The following LRRK2 variants were observed in gnomAD, a reference collection of about 807,000 sequenced individuals.
The protein encoded by LRRK2 is leucine rich repeat kinase 2.
Under a neutral mutation model 302.6 loss-of-function variants are expected in LRRK2, and 203 were observed. That is an observed-to-expected ratio of 0.67 (90% CI 0.60 to 0.75). The LOEUF is 0.75. Ranked by LOEUF, LRRK2 falls within the 30% of genes least tolerant of loss-of-function variation. The probability of loss-of-function intolerance (pLI) is 0.00; values close to 1 mark genes in which losing one functional copy is unlikely to be tolerated. For missense variants in LRRK2, 2,830 were observed against 2,951.0 expected (o/e 0.96, Z 0.95); for synonymous variants, 1,066 against 1,031.9 (o/e 1.03, Z -0.63).
chr12:40,240,392 C>T, intron 5 of LRRK2, 91 bp from the exon 6 acceptor site: 1 of 1,180,724 alleles, frequency 8.5e-7, no homozygotes, highest in African/African-American at 1.5e-5. Flanking sequence ...TGATGTATCT[C>T]ACACAACTAT....
chr12:40,333,939 GAGA>G (rs1014689108), intron 39 of LRRK2, among the ~76,000 whole-genome samples: 2 of 152,036 alleles, frequency 1.3e-5, no homozygotes, highest in African/African-American at 4.8e-5. Flanking sequence ...AGGGGGAGAC[GAGA>G]AGGTCTGGAA....
intron 13 of LRRK2, among the ~76,000 whole-genome samples, chr12:40,262,857 T>C (rs913294640): frequency 2.0e-5 from 3 of 152,200 alleles, no homozygotes; most frequent in Non-Finnish European, 1.5e-5. Context: ...ACAGACAGTT[T>C]AAGGGACTTG....
Position 40,321,141 on chromosome 12 carries a change from T to C in LRRK2, c.5123T>C (p.Leu1708Ser). The change falls in exon 35 of 51, where the codon TTA becomes TCA. Residue 1708 changes from leucine (L) to serine (S), a missense_variant. Transcript: ENST00000298910. ...PYFPMGFWSR[L>S]INRLLEISPY... ...TTTCCAATGGGATTTTGGTCAAGAT[T>C]AATCAATCGATTACTTGAGATTTCA... 6.2e-7 allele frequency: 1 copy of C among 1,612,772 alleles called. No individual in the cohort carries two copies. Among genetic ancestry groups the C allele is most frequent in the Non-Finnish European group, 8.5e-7 (1 of 1,178,944 alleles).
At chr12:40,287,262 A>T in intron 19 of LRRK2, 89 bp from the exon 20 acceptor site, 1 of 1,114,048 alleles carries the variant, frequency 9.0e-7, no homozygotes, top group Non-Finnish European at 1.3e-6. Flanking sequence ...CTCCAGAAGC[A>T]TAGCAATACG....
rs375022337 is a variant in LRRK2, at chr12:40,335,105, C to T, written c.5896C>T (p.Leu1966Phe). The T allele has an allele frequency of 6.2e-6, 10 of 1,613,956 alleles. No homozygotes were observed. In the Middle Eastern group the frequency reaches 4.9e-4, roughly 80 times the overall value. Residue 1966 changes from leucine to phenylalanine, a missense_variant, in exon 40 of 51, where the codon CTC (leucine) becomes TTC (phenylalanine). Around this residue, in one of 3 missense-constraint regions of LRRK2, gnomAD observed 253 missense variants for 346.7 expected, o/e 0.73. Coordinates refer to ENST00000298910, the MANE Select transcript of LRRK2 (RefSeq NM_198578.4). ...DRLLQQDKASLTRTLQHRIAL... is the reference protein window; with the variant it reads ...DRLLQQDKASFTRTLQHRIAL... ...CCTGCTTCAGCAGGACAAAGCCAGC[C>T]TCACTAGAACCCTACAGCACAGGAT...
intron 25 of LRRK2, among the ~76,000 whole-genome samples, chr12:40,300,191 G>C (rs1211666949): frequency 3.3e-5 from 5 of 152,106 alleles, no homozygotes; most frequent in Admixed American, 6.6e-5. Flanking sequence ...TGAAGTTAAT[G>C]TATATTCATT....
chr12:40,354,323 T>A lies in LRRK2; in HGVS notation c.6601T>A (p.Cys2201Ser). The change falls in exon 45 of 51, where the codon TGC (cysteine) becomes AGC (serine). Residue 2201 changes from cysteine to serine, a missense_variant. Around this residue, in one of 3 missense-constraint regions of LRRK2, gnomAD observed 456 missense variants for 456.3 expected, o/e 1.00. Coordinates refer to ENST00000298910, the MANE Select transcript of LRRK2 (RefSeq NM_198578.4). ...GGAAGTTGCTGATAGTAGAATATTG[T>A]GCTTAGCCTTGGTGCATCTTCCTGT... is the stretch of plus-strand genomic sequence containing the variant. ...SEEVADSRIL[C>S]LALVHLPVEK... The A allele has an allele frequency of 6.2e-7, 1 of 1,614,114 alleles. No individual in the cohort carries two copies. Among genetic ancestry groups the A allele is most frequent in the Non-Finnish European group, 8.5e-7 (1 of 1,179,990 alleles).
At chr12:40,265,988 T>C (rs899737803) in intron 14 of LRRK2, among the ~76,000 whole-genome samples, 1 of 152,182 alleles carries the variant, frequency 6.6e-6, no homozygotes, top group Non-Finnish European at 1.5e-5. Context: ...TTACACCTTA[T>C]ACAAAAATAA....
At chr12:40,295,285 G>A (rs1944336340) in intron 22 of LRRK2, 142 bp from the exon 23 acceptor site, 1 of 723,332 alleles carries the variant, frequency 1.4e-6, no homozygotes, top group Non-Finnish European at 2.4e-6. Context: ...CCACTGGAAT[G>A]TAAACTCCAT....
At chr12:40,332,509 T>G (rs1030286785) in intron 39 of LRRK2, among the ~76,000 whole-genome samples, 3 of 152,198 alleles carry the variant, frequency 2.0e-5, no homozygotes, top group African/African-American at 7.2e-5. Flanking sequence ...TCCTTACTTT[T>G]CCCTTGATTT....
At chr12:40,337,506 G>C (rs901584884) in intron 40 of LRRK2, among the ~76,000 whole-genome samples, 1 of 152,010 alleles carries the variant, frequency 6.6e-6, no homozygotes, top group South Asian at 2.1e-4. Context: ...TCCCACAGTT[G>C]CCAGGCCAGG....
At chr12:40,337,583 T>C (rs1210632410) in intron 40 of LRRK2, among the ~76,000 whole-genome samples, 1 of 152,200 alleles carries the variant, frequency 6.6e-6, no homozygotes, top group Non-Finnish European at 1.5e-5. Context: ...ACCAGGTCCT[T>C]GACTCTATTT....
chr12:40,249,712 A>C, intron 7 of LRRK2, 114 bp from the exon 8 acceptor site: 1 of 1,203,338 alleles, frequency 8.3e-7, no homozygotes, highest in South Asian at 1.3e-5. Flanking sequence ...AAATGTTTTA[A>C]TGCCATTGAA....
intron 7 of LRRK2, among the ~76,000 whole-genome samples, chr12:40,246,669 A>G (rs766844300): frequency 7.9e-5 from 12 of 152,060 alleles, no homozygotes; most frequent in Non-Finnish European, 1.6e-4. Flanking sequence ...ATGCTCTTTC[A>G]GAGGTGTTTG....
At chr12:40,321,334 G>T (rs953282926) in intron 35 of LRRK2, 146 bp downstream of exon 35, 2 of 799,480 alleles carry the variant, frequency 2.5e-6, no homozygotes, top group Non-Finnish European at 3.8e-6. Context: ...TGAAGAATTA[G>T]AAAATAAGCT....
At chr12:40,238,358 G>A (rs1293798378) in intron 5 of LRRK2, among the ~76,000 whole-genome samples, 2 of 152,024 alleles carry the variant, frequency 1.3e-5, no homozygotes, top group Admixed American at 1.3e-4. Context: ...AAGGCATAAG[G>A]TTTACTTTGA....
At chr12:40,241,161 C>G (rs114751646) in intron 6 of LRRK2, among the ~76,000 whole-genome samples, 5 of 152,148 alleles carry the variant, frequency 3.3e-5, no homozygotes, top group East Asian at 1.9e-4. Context: ...TGCATGCATG[C>G]GTGTGTGCCG....
At chr12:40,304,180 T>A (rs199647025) in intron 27 of LRRK2, 46 bp downstream of exon 27, 13 of 1,566,102 alleles carry the variant, frequency 8.3e-6, no homozygotes, top group Non-Finnish European at 1.1e-5. Flanking sequence ...ATGATTTGCA[T>A]CATTACAAAT....
chr12:40,236,857 A>T (rs764608134), intron 4 of LRRK2, among the ~76,000 whole-genome samples: 1 of 149,130 alleles, frequency 6.7e-6, no homozygotes, highest in African/African-American at 2.5e-5. Flanking sequence ...CTTGGGAGGT[A>T]TTTTTTTTTT....
Sources: gnomAD v4.1 joint callset for allele counts (sites outside exome capture counted in the v4.1 genomes callset) on GRCh38, gnomAD v4.1.1 for gene constraint, gnomAD v4.1.1 regional missense constraint, MANE v1.5 for transcripts, NCBI Gene and HGNC (gene_info 2026-07-23, HGNC 2026-07-21) for gene names.